MARCHF4: variants seen among roughly 807,000 people sequenced by gnomAD.
MARCHF4 encodes the protein membrane associated ring-CH-type finger 4.
Under a neutral mutation model 43.9 loss-of-function variants are expected in MARCHF4, and 14 were observed. The observed-to-expected ratio is 0.32, with a 90% CI of 0.21 to 0.50. The LOEUF is 0.50. MARCHF4 is among the 20% of genes least tolerant of loss of function. MARCHF4 has a pLI of 0.98. For synonymous variants in MARCHF4, 226 were observed against 213.3 expected (o/e 1.06, Z -0.52); for missense variants, 468 against 536.7 (o/e 0.87, Z 1.27).
At chr2:216,290,563 C>T (rs78043847) in intron 1 of MARCHF4, among the ~76,000 whole-genome samples, 13 of 152,186 alleles carry the variant, frequency 8.5e-5, no homozygotes, top group African/African-American at 3.1e-4. Flanking sequence ...AGGAGAGTGG[C>T]ATGATCTGAT....
chr2:216,278,094 G>A (rs1221421556), intron 2 of MARCHF4, among the ~76,000 whole-genome samples: 2 of 152,178 alleles, frequency 1.3e-5, no homozygotes, highest in Non-Finnish European at 2.9e-5. Flanking sequence ...TAAGGAGGGG[G>A]CTCTAGGTGG....
chr2:216,363,414 C>G (rs769259164), intron 1 of MARCHF4, among the ~76,000 whole-genome samples: 1 of 152,206 alleles, frequency 6.6e-6, no homozygotes, highest in Non-Finnish European at 1.5e-5. Context: ...ATGTTGTATC[C>G]GTGCTTATGC....
intron 1 of MARCHF4, among the ~76,000 whole-genome samples, chr2:216,340,226 T>G (rs1533099): frequency 0.54 from 81,696 of 152,050 alleles, 22,951 homozygotes; most frequent in East Asian, 0.78. Flanking sequence ...TTGGAACCAG[T>G]CTTAGCTCTC....
chr2:216,278,638 C>A (rs774662086), intron 2 of MARCHF4, among the ~76,000 whole-genome samples: 5 of 152,074 alleles, frequency 3.3e-5, no homozygotes, highest in African/African-American at 9.7e-5. Flanking sequence ...TACAACATCA[C>A]CTTGCATGCC....
intron 1 of MARCHF4, among the ~76,000 whole-genome samples, chr2:216,331,081 T>A (rs1332570504): frequency 6.6e-6 from 1 of 151,988 alleles, no homozygotes; most frequent in Non-Finnish European, 1.5e-5. Context: ...AACGCCAAAT[T>A]TTGGTCTTTG....
At chr2:216,356,795 G>T (rs1385039890) in intron 1 of MARCHF4, among the ~76,000 whole-genome samples, 1 of 152,100 alleles carries the variant, frequency 6.6e-6, no homozygotes, top group Non-Finnish European at 1.5e-5. Flanking sequence ...GGCCGAGGTG[G>T]GTGGATCACT....
intron 1 of MARCHF4, among the ~76,000 whole-genome samples, chr2:216,286,058 T>C (rs2544064): frequency 0.45 from 68,961 of 152,002 alleles, 15,787 homozygotes; most frequent in East Asian, 0.59. Context: ...GGGAGCCCCC[T>C]GAGCCTCAGC....
chr2:216,355,680 T>C (rs1230414987), intron 1 of MARCHF4, among the ~76,000 whole-genome samples: 8 of 152,198 alleles, frequency 5.3e-5, no homozygotes, highest in Non-Finnish European at 1.5e-5. Flanking sequence ...GCGTAATGGA[T>C]GTCAAAATCC....
At chr2:216,328,403 G>T (rs1692030340) in intron 1 of MARCHF4, among the ~76,000 whole-genome samples, 1 of 152,208 alleles carries the variant, frequency 6.6e-6, no homozygotes, top group African/African-American at 2.4e-5. Flanking sequence ...CTAACCTCGT[G>T]ATTCGCCCAA....
At chr2:216,277,925 C>A in intron 2 of MARCHF4, 61 bp from the exon 3 acceptor site, 1 of 1,456,854 alleles carries the variant, frequency 6.9e-7, no homozygotes, top group South Asian at 1.3e-5. Flanking sequence ...ATTCCCACCC[C>A]TCTTCTGTCT....
chr2:216,358,503 T>C, intron 1 of MARCHF4, among the ~76,000 whole-genome samples: 1 of 152,194 alleles, frequency 6.6e-6, no homozygotes, highest in East Asian at 1.9e-4. Flanking sequence ...TGGGGCATGA[T>C]AAGGCATAAA....
intron 1 of MARCHF4, among the ~76,000 whole-genome samples, chr2:216,355,634 T>C (rs956723466): frequency 2.0e-5 from 3 of 152,354 alleles, no homozygotes; most frequent in East Asian, 1.9e-4. Flanking sequence ...CTCTTTCTGA[T>C]ACTCAAACTG....
chr2:216,260,674 G>A (rs1690727562), intron 3 of MARCHF4, among the ~76,000 whole-genome samples: 2 of 152,212 alleles, frequency 1.3e-5, no homozygotes, highest in Non-Finnish European at 2.9e-5. Context: ...AGAGGCCAAT[G>A]GATGGTAGGG....
intron 1 of MARCHF4, among the ~76,000 whole-genome samples, chr2:216,305,471 C>T (rs1187794837): frequency 1.3e-5 from 2 of 152,208 alleles, no homozygotes; most frequent in African/African-American, 4.8e-5. Flanking sequence ...TAAGTATCAC[C>T]TTTCTTGCTC....
At chr2:216,286,024 G>T (rs1691213574) in intron 1 of MARCHF4, among the ~76,000 whole-genome samples, 1 of 152,176 alleles carries the variant, frequency 6.6e-6, no homozygotes, top group South Asian at 2.1e-4. Context: ...CCCGGGCTCT[G>T]GTTGTGGGAC....
chr2:216,287,794 T>A (rs889768307), intron 1 of MARCHF4, among the ~76,000 whole-genome samples: 23 of 147,584 alleles, frequency 1.6e-4, no homozygotes, highest in African/African-American at 5.7e-4. Context: ...ATAATAATAA[T>A]AAAATTAAAA....
At chr2:216,337,939 C>G (rs1020093469) in intron 1 of MARCHF4, among the ~76,000 whole-genome samples, 12 of 152,122 alleles carry the variant, frequency 7.9e-5, no homozygotes, top group African/African-American at 2.9e-4. Flanking sequence ...GTGGAAGAGA[C>G]AGATATTTGA....
chr2:216,291,632 C>G (rs972159325), intron 1 of MARCHF4, among the ~76,000 whole-genome samples: 13 of 152,174 alleles, frequency 8.5e-5, no homozygotes, highest in Non-Finnish European at 1.5e-4. Context: ...TATAGCAGAT[C>G]TCCTCACTTC....
intron 1 of MARCHF4, among the ~76,000 whole-genome samples, chr2:216,285,466 C>A (rs1375429139): frequency 2.0e-5 from 3 of 152,212 alleles, no homozygotes; most frequent in Non-Finnish European, 4.4e-5. Context: ...AATATCTTAT[C>A]CATCTTTGCA....
Sources: allele counts gnomAD v4.1 joint callset (sites outside exome capture counted in the v4.1 genomes callset), GRCh38; gene constraint gnomAD v4.1.1; transcripts MANE v1.5; gene names NCBI Gene and HGNC (gene_info 2026-07-23, HGNC 2026-07-21).